RBFOX3: variants seen among roughly 807,000 people sequenced by gnomAD.
RBFOX3 encodes RNA binding fox-1 homolog 3.
Under a neutral mutation model 48.7 loss-of-function variants are expected in RBFOX3, and 17 were observed. The observed-to-expected ratio is 0.35, with a 90% CI of 0.24 to 0.52. The LOEUF (loss-of-function observed/expected upper bound fraction) is 0.52. RBFOX3 is among the 20% of genes least tolerant of loss of function. The pLI is 0.94. For missense variants in RBFOX3, 382 were observed against 497.5 expected, an observed-to-expected ratio of 0.77 and a Z score of 2.21; for synonymous variants, 212 against 209.5, an observed-to-expected ratio of 1.01 and a Z score of -0.10.
At chr17:79,177,215 C>A (rs540165617) in intron 4 of RBFOX3, among the ~76,000 whole-genome samples, 3 of 152,246 alleles carry the variant, frequency 2.0e-5, no homozygotes, top group South Asian at 2.1e-4. Context: ...CCTCTCCCCC[C>A]CCGCCCTCTC....
At chr17:79,468,853 C>G (rs1329902045) in intron 2 of RBFOX3, among the ~76,000 whole-genome samples, 2 of 122,660 alleles carry the variant, frequency 1.6e-5, no homozygotes, top group African/African-American at 6.1e-5. Context: ...GATAGATAGA[C>G]AGCAGATAGG....
chr17:79,519,510 C>T (rs1381833344), intron 1 of RBFOX3, among the ~76,000 whole-genome samples: 1 of 152,318 alleles, frequency 6.6e-6, no homozygotes, highest in African/African-American at 2.4e-5. Context: ...TGAGAGGAGA[C>T]GGCTCCCCAC....
At chr17:79,610,732 T>G (rs1457672249) in intron 1 of RBFOX3, among the ~76,000 whole-genome samples, 94 bp downstream of exon 1, 1 of 151,964 alleles carries the variant, frequency 6.6e-6, no homozygotes, top group African/African-American at 2.4e-5. Flanking sequence ...CGGGGTCCCA[T>G]GCGCCCCTCC....
chr17:79,238,988 A>G (rs1469290208), intron 3 of RBFOX3, among the ~76,000 whole-genome samples: 3 of 152,142 alleles, frequency 2.0e-5, no homozygotes, highest in African/African-American at 7.2e-5. Context: ...ATCGTTTCAC[A>G]GAACCTCCAG....
Position 79,242,057 on chromosome 17 carries a change from G to A in RBFOX3, c.-73-6252C>T, listed in dbSNP as rs61281219. Among the ~76,000 whole-genome samples, 1,862 of 152,334 alleles carry A rather than the reference G, an allele frequency of 0.012. 29 individuals are homozygous for A. Among genetic ancestry groups the A allele is most frequent in the African/African-American group, 0.043 (1,768 of 41,576 alleles). On this transcript the variant is annotated intron_variant, in intron 3 of 14. Transcript: ENST00000693108. The surrounding 1 kb of genome is among the most constrained non-coding windows in gnomAD (Gnocchi z 5.8). ...GATTCTTTGCTTTCTTTCCTTCCAT[G>A]TTTTCCTAAATGTGCAGTGACGGTG...
chr17:79,347,876 C>T (rs979007765), intron 2 of RBFOX3, among the ~76,000 whole-genome samples: 13 of 152,152 alleles, frequency 8.5e-5, no homozygotes, highest in African/African-American at 2.2e-4. Flanking sequence ...TTGTGCTTCT[C>T]GAATACCTTG....
At chr17:79,162,127 G>A (rs919532594) in intron 4 of RBFOX3, among the ~76,000 whole-genome samples, 1 of 152,210 alleles carries the variant, frequency 6.6e-6, no homozygotes, top group Admixed American at 6.5e-5. Flanking sequence ...GTAACCTCTG[G>A]TCCCATTAAA....
At chr17:79,115,276 C>T (rs2146987714) in intron 5 of RBFOX3, among the ~76,000 whole-genome samples, 1 of 152,344 alleles carries the variant, frequency 6.6e-6, no homozygotes, top group East Asian at 1.9e-4. Context: ...TCACAAAGCT[C>T]CTTGGCGCCG....
intron 2 of RBFOX3, among the ~76,000 whole-genome samples, chr17:79,414,088 T>C (rs533093357): frequency 6.6e-6 from 1 of 152,210 alleles, no homozygotes; most frequent in Non-Finnish European, 1.5e-5. Context: ...GGCCTTGTTA[T>C]TCTACCCAGG....
chr17:79,438,575 C>T (rs371208377), intron 2 of RBFOX3, among the ~76,000 whole-genome samples: 4 of 152,324 alleles, frequency 2.6e-5, no homozygotes, highest in African/African-American at 9.6e-5. Flanking sequence ...GCAGTGGGCT[C>T]CTTTCTCTGG....
intron 1 of RBFOX3, among the ~76,000 whole-genome samples, chr17:79,589,849 A>G (rs2093366382): frequency 6.6e-6 from 1 of 152,178 alleles, no homozygotes; most frequent in Non-Finnish European, 1.5e-5. Flanking sequence ...TGTCAGTTCA[A>G]TGGTGGACAC....
intron 4 of RBFOX3, among the ~76,000 whole-genome samples, chr17:79,117,745 C>T (rs2034487919): frequency 6.6e-6 from 1 of 152,212 alleles, no homozygotes; most frequent in African/African-American, 2.4e-5. Flanking sequence ...TGATGGGGTA[C>T]CTGGGGTGTG....
rs1285084897 is a variant in RBFOX3 at position 79,198,494 on chromosome 17, A to G, written c.-34+37272T>C. On this transcript the variant is annotated intron_variant, in intron 4 of 14. Coordinates refer to ENST00000693108, the MANE Select transcript of RBFOX3 (RefSeq NM_001350451.2). The surrounding 1 kb of genome is among the most constrained non-coding windows in gnomAD (Gnocchi z 8.2). ...AGTATGCCTCACTCAAGCCTGTGGGACAGATGGGTACAGCTGGAGACTGAG... is the reference window on the plus strand; with the variant it reads ...AGTATGCCTCACTCAAGCCTGTGGGGCAGATGGGTACAGCTGGAGACTGAG... 6.6e-6 allele frequency among the ~76,000 whole-genome samples: 1 copy of G among 152,192 alleles called. No individual in the cohort carries two copies. Among genetic ancestry groups the G allele is most frequent in the East Asian group, 1.9e-4 (1 of 5,192 alleles).
rs11330992 is a variant in RBFOX3, at chr17:79,390,478, CTT to C, written c.-174-82656_-174-82655del. ...TGGAAATACAGTCTTTGCGCCACTG[CTT>C]TTTTTTTTTTTTTTTAGATGGAGTC... On this transcript the variant is annotated intron_variant, in intron 2 of 14. Transcript: ENST00000693108. The surrounding 1 kb of genome is among the most constrained non-coding windows in gnomAD (Gnocchi z 4.2). Among the ~76,000 whole-genome samples, 450 of 141,170 alleles carry C rather than the reference CTT, an allele frequency of 3.2e-3. No homozygotes were observed. The highest frequency in any genetic ancestry group is 3.9e-3 in the African/African-American group (150 of 38,410). The allele number at this position is 141,170 out of a possible 152,430, so 92.6% of individuals were successfully genotyped here. A position where few individuals can be genotyped will look rare whatever the true frequency, so the allele number is the denominator to read the frequency against.
intron 14 of RBFOX3, 92 bp downstream of exon 14, chr17:79,094,359 T>C (rs1327870019): frequency 4.4e-6 from 4 of 902,516 alleles, no homozygotes; most frequent in Non-Finnish European, 6.4e-6. Flanking sequence ...AAGGCATTGG[T>C]CAGAGGGCTC....
Position 79,097,417 on chromosome 17 carries a change from C to A in RBFOX3, c.630G>T (p.Gly210=), listed in dbSNP as rs755484251. ...VYGPEFYAVT[G]FPYPTTGTAV... Reference sequence around the variant, plus strand: ...CTGTGCCGGTGGTGGGGTAGGGGAACCCCGTCACTGCAGGAAACGGGGCCC... The same window carrying A: ...CTGTGCCGGTGGTGGGGTAGGGGAAACCCGTCACTGCAGGAAACGGGGCCC... Residue 210 remains glycine (G), a synonymous_variant, in exon 11 of 15, where the codon GGG becomes GGT. Coordinates refer to ENST00000693108, the MANE Select transcript of RBFOX3 (RefSeq NM_001350451.2). 7 of 1,546,082 alleles carry A rather than the reference C, an allele frequency of 4.5e-6. No homozygotes were observed. The highest frequency in any genetic ancestry group is 1.2e-5 in the South Asian group (1 of 83,750).
At chr17:79,215,734 G>T (rs2058953778) in intron 4 of RBFOX3, among the ~76,000 whole-genome samples, 1 of 152,266 alleles carries the variant, frequency 6.6e-6, no homozygotes, top group African/African-American at 2.4e-5. Flanking sequence ...CCCCAGGCTT[G>T]GCTCTGCTGT....
chr17:79,155,903 G>C (rs1001893046), intron 4 of RBFOX3, among the ~76,000 whole-genome samples: 1 of 152,212 alleles, frequency 6.6e-6, no homozygotes, highest in African/African-American at 2.4e-5. Flanking sequence ...CACGGGGCTC[G>C]GGTGTCAGGC....
At chr17:79,541,117 A>C (rs782265866) in intron 1 of RBFOX3, among the ~76,000 whole-genome samples, 9 of 152,184 alleles carry the variant, frequency 5.9e-5, no homozygotes, top group Non-Finnish European at 1.2e-4. Flanking sequence ...AAATTGAATC[A>C]GGACAAAATC....
Sources: allele counts gnomAD v4.1 joint callset (sites outside exome capture counted in the v4.1 genomes callset), GRCh38; gene constraint gnomAD v4.1.1; non-coding constraint Gnocchi (gnomAD v3.1); transcripts MANE v1.5; gene names NCBI Gene and HGNC (gene_info 2026-07-23, HGNC 2026-07-21).